Variants in CADM2 observed in about 807,000 individuals in gnomAD.
CADM2 encodes immunoglobulin superfamily member 4D.
CADM2 carries 12 observed loss-of-function variants against 49.8 expected under a neutral mutation model. The observed-to-expected ratio is 0.24, with a 90% confidence interval of 0.15 to 0.39. The LOEUF is 0.39. Ranked by LOEUF, CADM2 falls within the 10% of genes least tolerant of loss-of-function variation. The probability of loss-of-function intolerance (pLI) is 1.00; values close to 1 mark genes in which losing one functional copy is unlikely to be tolerated. For missense variants in CADM2, 378 were observed against 492.3 expected (o/e 0.77, Z 2.20); for synonymous variants, 214 against 175.4 (o/e 1.22, Z -1.74).
chr3:85,298,195 C>T (rs1235706382), intron 1 of CADM2, among the ~76,000 whole-genome samples: 1 of 151,990 alleles, frequency 6.6e-6, no homozygotes, highest in Non-Finnish European at 1.5e-5. Flanking sequence ...TTGCTGAGTG[C>T]CACTATGTTG....
At chr3:85,224,048 G>A (rs1320408753) in intron 1 of CADM2, among the ~76,000 whole-genome samples, 1 of 152,156 alleles carries the variant, frequency 6.6e-6, no homozygotes, top group Non-Finnish European at 1.5e-5. Flanking sequence ...ATTGTGAAGA[G>A]TGCTGCAATA....
At chr3:85,448,201 C>T (rs570247353) in intron 1 of CADM2, among the ~76,000 whole-genome samples, 24 of 151,748 alleles carry the variant, frequency 1.6e-4, no homozygotes, top group Non-Finnish European at 2.6e-4. Flanking sequence ...GGCGTGGTGG[C>T]GGGCGCCTGT....
chr3:85,981,585 A>T (rs1727495101), intron 8 of CADM2, among the ~76,000 whole-genome samples: 2 of 151,586 alleles, frequency 1.3e-5, no homozygotes, highest in Non-Finnish European at 3.0e-5. Context: ...TTTAGCTCTG[A>T]CTTATAAGTG....
At chr3:85,214,538 C>A (rs1007650639) in intron 1 of CADM2, among the ~76,000 whole-genome samples, 2 of 151,928 alleles carry the variant, frequency 1.3e-5, no homozygotes, top group Non-Finnish European at 2.9e-5. Context: ...ATCTCCCCCA[C>A]CCCCCAACCC....
At chr3:85,654,796 A>C (rs2065148196) in intron 1 of CADM2, among the ~76,000 whole-genome samples, 1 of 152,190 alleles carries the variant, frequency 6.6e-6, no homozygotes, top group African/African-American at 2.4e-5. Context: ...ATCCAAGTCT[A>C]ATTGTGACAT....
rs1036022701 is a variant in CADM2, at chr3:86,068,311, T to A, written c.*1528T>A. The A allele has an allele frequency of 1.3e-5, 2 of 152,088 alleles. No homozygotes were observed. Among genetic ancestry groups the A allele is most frequent in the Admixed American group, 1.3e-4 (2 of 15,256 alleles). 9.4% of individuals were successfully genotyped at this position (152,088 alleles called of 1,614,324 possible). A position where few individuals can be genotyped will look rare whatever the true frequency, so the allele number is the denominator to read the frequency against. ...TAATCTAAAGTCTTATTATTTCTTC[T>A]AGTAAAATAAAATATTGTTAGATTA... is the stretch of plus-strand genomic sequence containing the variant. On this transcript the variant is annotated 3_prime_UTR_variant, in exon 10 of 10. Transcript: ENST00000383699.
chr3:85,054,454 A>G (rs1242174615), intron 1 of CADM2, among the ~76,000 whole-genome samples: 2 of 151,920 alleles, frequency 1.3e-5, no homozygotes, highest in Non-Finnish European at 2.9e-5. Context: ...TTTGTATTTA[A>G]TTCCATAGGT....
chr3:85,333,215 A>C (rs543540515), intron 1 of CADM2, among the ~76,000 whole-genome samples: 25 of 151,944 alleles, frequency 1.6e-4, no homozygotes, highest in African/African-American at 5.1e-4. Context: ...GTATGAATGA[A>C]TAGAATGATT....
intron 1 of CADM2, among the ~76,000 whole-genome samples, chr3:85,008,974 A>C (rs1473728580): frequency 6.6e-6 from 1 of 152,162 alleles, no homozygotes; most frequent in Non-Finnish European, 1.5e-5. Flanking sequence ...AGTGAATATA[A>C]AGGTACTGAA....
intron 8 of CADM2, among the ~76,000 whole-genome samples, chr3:86,021,707 G>T (rs1733206179): frequency 1.3e-5 from 2 of 152,238 alleles, no homozygotes; most frequent in Admixed American, 1.3e-4. Flanking sequence ...CTTTGTGAGG[G>T]TTAAATAATA....
At chr3:85,055,330 A>G (rs1371620666) in intron 1 of CADM2, among the ~76,000 whole-genome samples, 4 of 152,004 alleles carry the variant, frequency 2.6e-5, no homozygotes, top group Admixed American at 2.6e-4. Flanking sequence ...TTCTTATTCC[A>G]GTGTAGTCCG....
chr3:85,111,411 C>G (rs945730650), intron 1 of CADM2, among the ~76,000 whole-genome samples: 4 of 151,788 alleles, frequency 2.6e-5, no homozygotes, highest in African/African-American at 9.7e-5. Context: ...ATATATGAGG[C>G]TGCCTATTAT....
At chr3:85,714,296 C>A (rs2067211592) in intron 1 of CADM2, among the ~76,000 whole-genome samples, 1 of 152,174 alleles carries the variant, frequency 6.6e-6, no homozygotes, top group Non-Finnish European at 1.5e-5. Context: ...TGCTTGAACA[C>A]AATAGGCCAG....
intron 2 of CADM2, among the ~76,000 whole-genome samples, chr3:85,729,494 G>T (rs1410809696): frequency 2.6e-5 from 4 of 151,900 alleles, no homozygotes; most frequent in South Asian, 4.1e-4. Flanking sequence ...AAGGGCTAGA[G>T]AGAGAGAGAG....
chr3:85,824,643 G>A (rs2073802175), intron 3 of CADM2, among the ~76,000 whole-genome samples: 1 of 152,014 alleles, frequency 6.6e-6, no homozygotes, highest in African/African-American at 2.4e-5. Flanking sequence ...CACTTGTAAT[G>A]TTTAAATTGT....
intron 1 of CADM2, among the ~76,000 whole-genome samples, chr3:85,590,529 A>C (rs768835680): frequency 1.3e-5 from 2 of 152,004 alleles, no homozygotes; most frequent in Non-Finnish European, 1.5e-5. Context: ...GAAGGAAAAC[A>C]TAATTTTTTA....
intron 5 of CADM2, among the ~76,000 whole-genome samples, chr3:85,907,371 C>G (rs921118057): frequency 6.6e-6 from 1 of 152,124 alleles, no homozygotes; most frequent in Non-Finnish European, 1.5e-5. Flanking sequence ...ACACTAAGAC[C>G]ATGCTGTTTT....
intron 1 of CADM2, among the ~76,000 whole-genome samples, chr3:85,629,907 C>T (rs9841044): frequency 0.36 from 54,538 of 151,710 alleles, 10,132 homozygotes; most frequent in East Asian, 0.61. Flanking sequence ...AAAGTATCTA[C>T]TTCATATGGT....
chr3:85,943,765 CT>C (rs1722279575), intron 7 of CADM2, among the ~76,000 whole-genome samples: 1 of 151,808 alleles, frequency 6.6e-6, no homozygotes, highest in Non-Finnish European at 1.5e-5. Context: ...ACTATCTGAT[CT>C]TTGACAAACC....
Sources: gnomAD v4.1 joint callset for allele counts (sites outside exome capture counted in the v4.1 genomes callset) on GRCh38, gnomAD v4.1.1 for gene constraint, MANE v1.5 for transcripts, NCBI Gene and HGNC (gene_info 2026-07-23, HGNC 2026-07-21) for gene names.